ZMIZ1: variants seen among roughly 807,000 people sequenced by gnomAD.
ZMIZ1 encodes the protein zinc finger MIZ-type containing 1, also known as zinc finger MIZ domain-containing protein 1.
A neutral mutation model predicts 113.9 loss-of-function variants in ZMIZ1; 17 were observed. The ratio of observed to expected loss-of-function variants is 0.15; its 90% confidence interval spans 0.10 to 0.22. The LOEUF is 0.22. Among genes scored for constraint, ZMIZ1 ranks in the 10% least tolerant of loss-of-function variants. ZMIZ1 has a pLI of 1.00. For synonymous variants in ZMIZ1, 607 were observed against 603.1 expected (o/e 1.01, Z -0.09); for missense variants, 1,059 against 1,477.8 (o/e 0.72, Z 4.65).
chr10:79,285,556 A>G (rs1001322482), intron 8 of ZMIZ1: 39 of 456,080 alleles, frequency 8.6e-5, no homozygotes, highest in African/African-American at 7.0e-4. Flanking sequence ...CCACAGACAC[A>G]CTGTGTAGGT....
At chr10:79,188,361 T>G (rs1847437654) in intron 4 of ZMIZ1, among the ~76,000 whole-genome samples, 1 of 152,098 alleles carries the variant, frequency 6.6e-6, no homozygotes, top group African/African-American at 2.4e-5. Context: ...CCTTTGCCCT[T>G]CCAGGAAGTG....
chr10:79,101,458 G>C lies in ZMIZ1; in HGVS notation c.-336-17457G>C, dbSNP rs568385841. Reference sequence around the variant, plus strand: ...GGATGGACTTTGTTCCTGTCTAGGGGCAGCAAGTCAGCCAGGCTTTCTTCT... The same window carrying C: ...GGATGGACTTTGTTCCTGTCTAGGGCCAGCAAGTCAGCCAGGCTTTCTTCT... On this transcript the variant is annotated intron_variant, in intron 1 of 24. Coordinates refer to ENST00000334512, the MANE Select transcript of ZMIZ1 (RefSeq NM_020338.4). Among the ~76,000 whole-genome samples the C allele has an allele frequency of 2.0e-4, 30 of 152,310 alleles. No individual in the cohort carries two copies. In the South Asian group the frequency reaches 5.6e-3, roughly 28 times the overall value.
At chr10:79,215,134 GA>G (rs1322758815) in intron 6 of ZMIZ1, among the ~76,000 whole-genome samples, 4 of 152,202 alleles carry the variant, frequency 2.6e-5, no homozygotes, top group African/African-American at 9.6e-5. Context: ...GCTAGAGACA[GA>G]CCCCAGGCTG....
In ZMIZ1 at chr10:79,224,919, C is replaced by T. The variant is rs182691375; in HGVS notation, c.280+8645C>T. ...CAGTGAAAAGAGTGGTTAGGAAGCA[C>T]GTAACCTGCTGTGGACACCTGGGGC... is the stretch of plus-strand genomic sequence containing the variant. On this transcript the variant is annotated intron_variant, in intron 7 of 24. Coordinates refer to ENST00000334512, the MANE Select transcript of ZMIZ1 (RefSeq NM_020338.4). Among the ~76,000 whole-genome samples the T allele has an allele frequency of 3.9e-5, 6 of 152,298 alleles. No homozygotes were observed. The East Asian group carries it at 7.7e-4, about 20-fold the overall frequency.
At chr10:79,155,215 G>C (rs1007152141) in intron 3 of ZMIZ1, among the ~76,000 whole-genome samples, 1 of 152,170 alleles carries the variant, frequency 6.6e-6, no homozygotes, top group African/African-American at 2.4e-5. Flanking sequence ...TTGGGGAGAA[G>C]GGAGCCCCAT....
At chr10:79,123,270 G>A (rs1238904435) in intron 2 of ZMIZ1, among the ~76,000 whole-genome samples, 1 of 152,204 alleles carries the variant, frequency 6.6e-6, no homozygotes, top group African/African-American at 2.4e-5. Flanking sequence ...GCTGTGGACC[G>A]GGCTGAGGCA....
chr10:79,251,275 A>G (rs1252569690), intron 7 of ZMIZ1, among the ~76,000 whole-genome samples: 1 of 152,120 alleles, frequency 6.6e-6, no homozygotes, highest in African/African-American at 2.4e-5. Flanking sequence ...CCTCATCTGT[A>G]GAACCGGAGA....
At chr10:79,202,191 A>G (rs1214391182) in intron 5 of ZMIZ1, among the ~76,000 whole-genome samples, 109 of 56,404 alleles carry the variant, frequency 1.9e-3, no homozygotes, top group South Asian at 6.9e-3. Context: ...CTGTCTCAGA[A>G]AAAAAAAAAA....
chr10:79,292,711 A>T, intron 11 of ZMIZ1: 1 of 474,538 alleles, frequency 2.1e-6, no homozygotes, highest in South Asian at 1.6e-5. Context: ...TAGTCTTGTG[A>T]CCGGTCTGTC....
Position 79,307,526 on chromosome 10 carries a change from C to T in ZMIZ1, c.2790C>T (p.Asn930=). The change falls in exon 23 of 25, where the codon AAC becomes AAT. Residue 930 remains asparagine (N), a synonymous_variant. Coordinates refer to ENST00000334512, the MANE Select transcript of ZMIZ1 (RefSeq NM_020338.4). ...CCCACCCCCCGGACATGCCCAACAA[C>T]ATGGCCGCCCTCGAGAAACCCCTCA... The part of the protein sequence containing the change: ...QLSHPPDMPN[N]MAALEKPLSH... 1 of 1,611,630 alleles carries T rather than the reference C, an allele frequency of 6.2e-7. No individual in the cohort carries two copies. Among genetic ancestry groups the T allele is most frequent in the Non-Finnish European group, 8.5e-7 (1 of 1,179,052 alleles).
At chr10:79,129,716 C>A (rs1844668774) in intron 2 of ZMIZ1, among the ~76,000 whole-genome samples, 1 of 152,244 alleles carries the variant, frequency 6.6e-6, no homozygotes, top group Non-Finnish European at 1.5e-5. Context: ...TTGCTCCCAG[C>A]TTTCTGGAGA....
Position 79,299,117 on chromosome 10 carries a change from C to T in ZMIZ1, c.1734C>T (p.Arg578=). ...ATGGCGTGGTGCTGGAGCCCTTCCG[C>T]CTGGAGCACAACCTGGCGGTCAGCA... ...VRDGVVLEPF[R]LEHNLAVSNH... is the part of the protein sequence containing the mutation. Residue 578 remains arginine, a synonymous_variant, in exon 16 of 25, where the codon CGC becomes CGT. Coordinates refer to ENST00000334512, the MANE Select transcript of ZMIZ1 (RefSeq NM_020338.4). The T allele has an allele frequency of 1.2e-6, 2 of 1,612,484 alleles. No individual in the cohort carries two copies. Among genetic ancestry groups the T allele is most frequent in the Admixed American group, 1.7e-5 (1 of 60,018 alleles).
At chr10:79,215,926 G>A (rs539885639) in intron 6 of ZMIZ1, among the ~76,000 whole-genome samples, 163 of 152,270 alleles carry the variant, frequency 1.1e-3, no homozygotes, top group African/African-American at 3.9e-3. Context: ...TGGCTTTGGT[G>A]TTGGACCCAT....
At chr10:79,135,815 A>G (rs1844976772) in intron 2 of ZMIZ1, among the ~76,000 whole-genome samples, 1 of 152,160 alleles carries the variant, frequency 6.6e-6, no homozygotes, top group African/African-American at 2.4e-5. Context: ...TCTGAGGGTC[A>G]TGTGCAAAGT....
rs1855303000 is a variant in ZMIZ1 at position 79,313,047 on chromosome 10, AG to A, written c.*301del. 1 of 426,828 alleles carries A rather than the reference AG, an allele frequency of 2.3e-6. No homozygotes were observed. Among genetic ancestry groups the A allele is most frequent in the Non-Finnish European group, 4.3e-6 (1 of 234,902 alleles). 26.4% of individuals were successfully genotyped at this position (426,828 alleles called of 1,614,324 possible). On this transcript the variant is annotated 3_prime_UTR_variant, in exon 25 of 25. Coordinates refer to ENST00000334512, the MANE Select transcript of ZMIZ1 (RefSeq NM_020338.4). ...TCCCGAGAGGAACCAGCCCGGTAAGAGGGCACACGCTGATGCGGCTTCCCGG... is the reference window on the plus strand; with the variant it reads ...TCCCGAGAGGAACCAGCCCGGTAAGAGGCACACGCTGATGCGGCTTCCCGG...
At chr10:79,278,859 A>G (rs1852485923) in intron 8 of ZMIZ1, among the ~76,000 whole-genome samples, 1 of 152,142 alleles carries the variant, frequency 6.6e-6, no homozygotes, top group African/African-American at 2.4e-5. Flanking sequence ...CACAGTAACA[A>G]TCTGATCTCT....
intron 6 of ZMIZ1, among the ~76,000 whole-genome samples, chr10:79,213,587 T>C (rs1170952432): frequency 6.6e-6 from 1 of 152,180 alleles, no homozygotes; most frequent in Non-Finnish European, 1.5e-5. Flanking sequence ...TAGCTAGTAT[T>C]TTTTCCTTTT....
chr10:79,236,361 C>T (rs935594677), intron 7 of ZMIZ1, among the ~76,000 whole-genome samples: 3 of 152,142 alleles, frequency 2.0e-5, no homozygotes, highest in Non-Finnish European at 4.4e-5. Flanking sequence ...GCAGACAGTC[C>T]GGCAGGAAGG....
At chr10:79,297,472 C>T in intron 13 of ZMIZ1, 141 bp from the exon 14 acceptor site, 1 of 721,650 alleles carries the variant, frequency 1.4e-6, no homozygotes, top group Non-Finnish European at 2.5e-6. Context: ...GCTGTCCCGC[C>T]CTGCTCACTC....
Sources: allele counts gnomAD v4.1 joint callset (sites outside exome capture counted in the v4.1 genomes callset), GRCh38; gene constraint gnomAD v4.1.1; transcripts MANE v1.5; gene names NCBI Gene and HGNC (gene_info 2026-07-23, HGNC 2026-07-21).